The following STPG2 variants were observed in gnomAD, a reference collection of about 807,000 sequenced individuals.
The protein encoded by STPG2 is sperm-tail PG-rich repeat-containing protein 2.
In STPG2, 56 loss-of-function variants were observed where a neutral mutation model predicts 54.2. The observed-to-expected ratio is 1.03, with a 90% CI of 0.83 to 1.29. The LOEUF (loss-of-function observed/expected upper bound fraction) is 1.29. Ranked by LOEUF, STPG2 falls within the 50% of genes most tolerant of loss-of-function variation. The probability of loss-of-function intolerance (pLI) is 0.00; values close to 1 mark genes in which losing one functional copy is unlikely to be tolerated. For missense variants in STPG2, 596 were observed against 544.9 expected, an observed-to-expected ratio of 1.09 and a Z score of -0.93; for synonymous variants, 200 against 181.8, an observed-to-expected ratio of 1.10 and a Z score of -0.81.
chr4:97,458,196 C>T (rs1045658329), intron 4 of STPG2, among the ~76,000 whole-genome samples: 3 of 152,052 alleles, frequency 2.0e-5, no homozygotes, highest in African/African-American at 7.2e-5. Flanking sequence ...CAAATTGTAG[C>T]TTTCAGAATA....
chr4:97,951,603 T>C (rs1328949112), intron 7 of STPG2, among the ~76,000 whole-genome samples: 1 of 151,938 alleles, frequency 6.6e-6, no homozygotes. Flanking sequence ...TGTGAGAGCT[T>C]TAGTTATAGA....
At chr4:97,514,820 G>A (rs1214825851) in intron 4 of STPG2, among the ~76,000 whole-genome samples, 1 of 151,580 alleles carries the variant, frequency 6.6e-6, no homozygotes, top group Non-Finnish European at 1.5e-5. Context: ...TTCTTTAGTT[G>A]CAGCTGGCTT....
At chr4:98,024,950 T>A (rs1736365125) in intron 5 of STPG2, among the ~76,000 whole-genome samples, 1 of 152,192 alleles carries the variant, frequency 6.6e-6, no homozygotes, top group South Asian at 2.1e-4. Context: ...ACTCAGGTCT[T>A]TAGGATTCTC....
intron 9 of STPG2, among the ~76,000 whole-genome samples, chr4:97,778,845 C>T (rs1240802424): frequency 1.3e-5 from 2 of 152,186 alleles, no homozygotes; most frequent in African/African-American, 2.4e-5. Flanking sequence ...CTCCAGCAAA[C>T]TCCAACAGAC....
intron 5 of STPG2, among the ~76,000 whole-genome samples, chr4:98,074,305 T>C (rs1326615255): frequency 2.0e-5 from 3 of 152,228 alleles, no homozygotes; most frequent in Non-Finnish European, 2.9e-5. Context: ...AGAGGTTATA[T>C]TTGCTCCTTT....
chr4:97,909,085 A>G (rs1285630735), intron 8 of STPG2, among the ~76,000 whole-genome samples: 2 of 150,802 alleles, frequency 1.3e-5, no homozygotes, highest in Admixed American at 6.6e-5. Context: ...TCAAGCCCCA[A>G]TAAACAATCA....
chr4:98,110,087 A>G (rs754538357), intron 3 of STPG2, among the ~76,000 whole-genome samples: 2 of 152,140 alleles, frequency 1.3e-5, no homozygotes, highest in Non-Finnish European at 2.9e-5. Flanking sequence ...AGCTAATGGT[A>G]TTTACTATAA....
At chr4:97,562,289 T>C (rs893716392) in intron 10 of STPG2, among the ~76,000 whole-genome samples, 2 of 152,184 alleles carry the variant, frequency 1.3e-5, no homozygotes, top group African/African-American at 2.4e-5. Context: ...GCACATTGAT[T>C]TTGTATCCTG....
chr4:97,980,535 T>C (rs1734638692), intron 6 of STPG2, among the ~76,000 whole-genome samples: 1 of 152,194 alleles, frequency 6.6e-6, no homozygotes. Context: ...TGTTAAATGT[T>C]AGGCTGCCCT....
At chr4:97,807,339 G>A (rs1405175099) in intron 9 of STPG2, among the ~76,000 whole-genome samples, 1 of 151,716 alleles carries the variant, frequency 6.6e-6, no homozygotes, top group Non-Finnish European at 1.5e-5. Context: ...TCCTGAAGAA[G>A]AAAGAATATG....
chr4:97,662,282 C>T (rs866162945), intron 10 of STPG2, among the ~76,000 whole-genome samples: 2 of 151,928 alleles, frequency 1.3e-5, no homozygotes, highest in Non-Finnish European at 2.9e-5. Flanking sequence ...AAAAAATGCT[C>T]GACATCACTA....
intron 4 of STPG2, among the ~76,000 whole-genome samples, chr4:97,492,442 T>C (rs1337902224): frequency 2.0e-5 from 3 of 151,558 alleles, no homozygotes; most frequent in Non-Finnish European, 3.0e-5. Context: ...GACTCCAAGA[T>C]GTAACTTCCT....
chr4:97,862,018 C>T (rs1249956275), intron 8 of STPG2, among the ~76,000 whole-genome samples: 18 of 152,100 alleles, frequency 1.2e-4, no homozygotes, highest in South Asian at 4.2e-4. Context: ...CATCAACTAA[C>T]GAGCAAAATA....
At chr4:98,132,948 T>TAAAAAA (rs200375140) in intron 2 of STPG2, among the ~76,000 whole-genome samples, 2 of 101,580 alleles carry the variant, frequency 2.0e-5, no homozygotes, top group Non-Finnish European at 4.1e-5. Flanking sequence ...TGAAATGAAC[T>TAAAAAA]AAAAAAAAAA....
intron 8 of STPG2, among the ~76,000 whole-genome samples, chr4:97,903,879 G>A (rs1200825496): frequency 2.0e-5 from 3 of 152,178 alleles, no homozygotes; most frequent in Non-Finnish European, 4.4e-5. Flanking sequence ...CCCGAATACT[G>A]CGCTTTTCCA....
intron 5 of STPG2, among the ~76,000 whole-genome samples, chr4:98,017,847 A>C (rs1158507930): frequency 1.3e-5 from 2 of 152,000 alleles, no homozygotes; most frequent in African/African-American, 2.4e-5. Context: ...GATGGTTTTA[A>C]AAGTGGCAGT....
At chr4:97,993,426 C>A (rs1205068492) in intron 5 of STPG2, among the ~76,000 whole-genome samples, 1 of 152,124 alleles carries the variant, frequency 6.6e-6, no homozygotes, top group African/African-American at 2.4e-5. Context: ...TGGTATGAAA[C>A]CCACTTGATC....
At chr4:98,055,550 T>C (rs1578817786) in intron 5 of STPG2, among the ~76,000 whole-genome samples, 2 of 152,226 alleles carry the variant, frequency 1.3e-5, no homozygotes, top group South Asian at 4.2e-4. Flanking sequence ...TTTGAAACCA[T>C]GGCAGGAAGG....
chr4:97,830,404 C>G (rs1165898908), intron 9 of STPG2, among the ~76,000 whole-genome samples: 1 of 152,088 alleles, frequency 6.6e-6, no homozygotes, highest in Non-Finnish European at 1.5e-5. Context: ...CAATCAGTAC[C>G]AACCACTGCA....
Sources: allele counts gnomAD v4.1 joint callset (sites outside exome capture counted in the v4.1 genomes callset), GRCh38; gene constraint gnomAD v4.1.1; transcripts MANE v1.5; gene names NCBI Gene and HGNC (gene_info 2026-07-23, HGNC 2026-07-21).